SEMA4B: variants seen among roughly 807,000 people sequenced by gnomAD.
SEMA4B encodes the protein semaphorin 4B, also known as semaphorin-4B.
In SEMA4B, 55 loss-of-function variants were observed where a neutral mutation model predicts 88.1. The ratio of observed to expected loss-of-function variants is 0.62; its 90% CI spans 0.50 to 0.78. The LOEUF (loss-of-function observed/expected upper bound fraction) is 0.78. Among genes scored for constraint, SEMA4B ranks in the 30% least tolerant of loss-of-function variants. The pLI, the probability that SEMA4B is intolerant of heterozygous loss-of-function variation, is 0.00. For synonymous variants in SEMA4B, 525 were observed against 473.6 expected (o/e 1.11, Z -1.41); for missense variants, 1,062 against 1,111.9 (o/e 0.96, Z 0.64).
chr15:90,185,645 C>T (rs545404814), intron 1 of SEMA4B, among the ~76,000 whole-genome samples: 1 of 152,294 alleles, frequency 6.6e-6, no homozygotes, highest in African/African-American at 2.4e-5. Flanking sequence ...GCCCACATTT[C>T]CTCACCTGTA....
chr15:90,223,795 G>A (rs2095621338), intron 8 of SEMA4B, 43 bp from the exon 9 acceptor site: 1 of 1,607,228 alleles, frequency 6.2e-7, no homozygotes, highest in South Asian at 1.1e-5. Context: ...CTGGGACTGG[G>A]GCCCCCAGGG....
At chr15:90,198,388 C>T (rs1205029917), upstream of SEMA4B, among the ~76,000 whole-genome samples, 1 of 152,170 alleles carries the variant, frequency 6.6e-6, no homozygotes, top group Admixed American at 6.5e-5. Context: ...GCTTGAGATA[C>T]ATTACTTAAC....
Position 90,201,354 on chromosome 15 carries a change from C to A in SEMA4B, c.-225C>A. The A allele has an allele frequency of 8.0e-7, 1 of 1,244,292 alleles. No homozygotes were observed. The highest frequency in any genetic ancestry group is 1.0e-6 in the Non-Finnish European group (1 of 993,900). The allele number at this position is 1,244,292 out of a possible 1,614,324, so 77.1% of individuals were successfully genotyped here. Reference sequence around the variant, plus strand: ...CGCTTGCGGGTGAGCTCTGCCCAAGCCGAGGCTGCGGGGCCGGCGCCGGCG... The same window carrying A: ...CGCTTGCGGGTGAGCTCTGCCCAAGACGAGGCTGCGGGGCCGGCGCCGGCG... On this transcript the variant is annotated 5_prime_UTR_variant, in exon 1 of 14. Coordinates refer to ENST00000411539, the MANE Select transcript of SEMA4B (RefSeq NM_198925.4).
rs1567046047 is a variant in SEMA4B, at chr15:90,201,653, G to C, written c.75G>C (p.Leu25=). Residue 25 remains leucine (L), a synonymous_variant, in exon 1 of 14, where the codon CTG becomes CTC. Transcript: ENST00000411539. ...PWGALPPRPP[L]LLLLLLLLLL... ...GCGCGCTGCCGCCTCGGCCACCGCT[G>C]CTGCTGCTCCTGCTGCTGCTGCTCC... 1 of 1,517,280 alleles carries C rather than the reference G, an allele frequency of 6.6e-7. No individual in the cohort carries two copies. The highest frequency in any genetic ancestry group is 1.4e-5 in the African/African-American group (1 of 69,976). The allele number at this position is 1,517,280 out of a possible 1,614,324, so 94.0% of individuals were successfully genotyped here.
At chr15:90,195,737 G>A (rs915036225) in intron 1 of SEMA4B, among the ~76,000 whole-genome samples, 3 of 152,030 alleles carry the variant, frequency 2.0e-5, no homozygotes, top group Non-Finnish European at 4.4e-5. Context: ...ACCCCCCGAA[G>A]TAGCTGGGAC....
chr15:90,193,777 T>C (rs1960415768), intron 1 of SEMA4B, among the ~76,000 whole-genome samples: 3 of 152,028 alleles, frequency 2.0e-5, no homozygotes, highest in Admixed American at 2.0e-4. Context: ...AGGCAGAAGG[T>C]AGAAGAAGGA....
intron 1 of SEMA4B, chr15:90,190,520 C>T (rs1274277633): frequency 6.6e-6 from 1 of 152,462 alleles, no homozygotes; most frequent in African/African-American, 2.4e-5. Flanking sequence ...GCTCCTCCTC[C>T]CTGGGAAGGA....
At chr15:90,209,089 A>G (rs1206679487) in intron 1 of SEMA4B, among the ~76,000 whole-genome samples, 2 of 152,018 alleles carry the variant, frequency 1.3e-5, no homozygotes, top group Admixed American at 6.6e-5. Context: ...CCCCATTTTT[A>G]TCTGGGGCCC....
At chr15:90,217,368 C>A in intron 1 of SEMA4B, 71 bp from the exon 2 acceptor site, 1 of 1,473,892 alleles carries the variant, frequency 6.8e-7, no homozygotes. Context: ...ACCAGTCCAT[C>A]TAAAGGTTGG....
At chr15:90,206,065 C>T (rs1169691499) in intron 1 of SEMA4B, among the ~76,000 whole-genome samples, 1 of 152,180 alleles carries the variant, frequency 6.6e-6, no homozygotes, top group Non-Finnish European at 1.5e-5. Context: ...ACTTTTGGGG[C>T]ATATCTGGAT....
Position 90,225,277 on chromosome 15 carries a change from C to T in SEMA4B, c.1406-5C>T, listed in dbSNP as rs570278244. 6 of 1,555,758 alleles carry T rather than the reference C, an allele frequency of 3.9e-6. No homozygotes were observed. The Admixed American group carries it at 1.2e-4, about 30-fold the overall frequency. The stretch of plus-strand genomic sequence containing the variant: ...CCCAGGGCCTGAGTCCTGTCCACAC[C>T]CCAGGTGACGGCCGGCTCCACAAGG... On this transcript the variant is annotated splice_polypyrimidine_tract_variant and splice_region_variant and intron_variant, in intron 10 of 13. Coordinates refer to ENST00000411539, the MANE Select transcript of SEMA4B (RefSeq NM_198925.4).
chr15:90,205,368 G>A (rs1160543254), intron 1 of SEMA4B, among the ~76,000 whole-genome samples: 1 of 152,212 alleles, frequency 6.6e-6, no homozygotes, highest in Non-Finnish European at 1.5e-5. Context: ...CTGGACATGA[G>A]CCTTTGTCCC....
chr15:90,217,088 A>T (rs114322875), intron 1 of SEMA4B: 17 of 179,996 alleles, frequency 9.4e-5, no homozygotes, highest in East Asian at 2.9e-4. Flanking sequence ...CTAATACATC[A>T]TTTTTTTTCC....
At chr15:90,217,359 C>T in intron 1 of SEMA4B, 80 bp from the exon 2 acceptor site, 1 of 1,421,428 alleles carries the variant, frequency 7.0e-7, no homozygotes, top group South Asian at 1.4e-5. Flanking sequence ...TTCCTTTAAA[C>T]CAGTCCATCT....
chr15:90,223,907 C>T lies in SEMA4B; in HGVS notation c.1113C>T (p.Ser371=), dbSNP rs770219309. 17 of 1,613,850 alleles carry T rather than the reference C, an allele frequency of 1.1e-5. No individual in the cohort carries two copies. The highest frequency in any genetic ancestry group is 3.3e-5 in the South Asian group (3 of 91,088). ...TGAAGGATGTGCAGAGAGTCTTCAG[C>T]GGCCTCTACAAGGAGGTGAACCGTG... ...FTMKDVQRVF[S]GLYKEVNRET... is the part of the protein sequence containing the mutation. The change falls in exon 9 of 14, where the codon AGC becomes AGT. Residue 371 remains serine, a synonymous_variant. Coordinates refer to ENST00000411539, the MANE Select transcript of SEMA4B (RefSeq NM_198925.4).
chr15:90,209,578 G>A (rs1016958897), intron 1 of SEMA4B, among the ~76,000 whole-genome samples: 2 of 151,814 alleles, frequency 1.3e-5, no homozygotes, highest in Non-Finnish European at 2.9e-5. Flanking sequence ...AAAAAAAAAA[G>A]AGAGAAGAGC....
chr15:90,220,492 C>T (rs62019257), intron 4 of SEMA4B, among the ~76,000 whole-genome samples: 1 of 151,342 alleles, frequency 6.6e-6, no homozygotes, highest in African/African-American at 2.4e-5. Context: ...CTCAGCCTCC[C>T]GAGTAGCTGG....
chr15:90,222,439 G>C (rs1207626316), intron 7 of SEMA4B, among the ~76,000 whole-genome samples: 1 of 151,364 alleles, frequency 6.6e-6, no homozygotes, highest in Non-Finnish European at 1.5e-5. Flanking sequence ...GCGTGGTGGT[G>C]CACGCCTGTA....
chr15:90,224,862 C>T (rs1344958391), intron 9 of SEMA4B, 106 bp from the exon 10 acceptor site: 6 of 921,638 alleles, frequency 6.5e-6, no homozygotes, highest in South Asian at 1.4e-5. Context: ...GCCCTGGCTC[C>T]GGGCGGGGGG....
Sources: allele counts gnomAD v4.1 joint callset (sites outside exome capture counted in the v4.1 genomes callset), GRCh38; gene constraint gnomAD v4.1.1; transcripts MANE v1.5; gene names NCBI Gene and HGNC (gene_info 2026-07-23, HGNC 2026-07-21).